The following SUGCT variants were observed in gnomAD, a reference collection of about 807,000 sequenced individuals.
SUGCT encodes the protein succinyl-CoA:glutarate-CoA transferase, also known as succinyl-CoA:glutarate CoA-transferase.
A neutral mutation model predicts 55.0 loss-of-function variants in SUGCT; 41 were observed. The observed-to-expected ratio is 0.74, with a 90% confidence interval of 0.58 to 0.97. The LOEUF is 0.97. SUGCT is among the 50% of genes least tolerant of loss of function. The probability of loss-of-function intolerance (pLI) is 0.00; values close to 1 mark genes in which losing one functional copy is unlikely to be tolerated. For synonymous variants in SUGCT, 187 were observed against 200.4 expected (o/e 0.93, Z 0.56); for missense variants, 568 against 547.8 (o/e 1.04, Z -0.37).
At chr7:41,025,118 A>G in the SUGCT span, among the ~76,000 whole-genome samples, 2 of 152,226 alleles carry the variant, frequency 1.3e-5, no homozygotes, top group Non-Finnish European at 2.9e-5. Flanking sequence ...CTTATGCATC[A>G]AAGTATAAAA....
At chr7:40,476,383 T>C (rs978188979) in intron 11 of SUGCT, among the ~76,000 whole-genome samples, 6 of 152,152 alleles carry the variant, frequency 3.9e-5, no homozygotes, top group African/African-American at 1.4e-4. Context: ...TTTAATTATC[T>C]GCCATTTTTT....
chr7:40,840,351 C>T (rs1793212004), intron 13 of SUGCT, among the ~76,000 whole-genome samples: 1 of 151,784 alleles, frequency 6.6e-6, no homozygotes, highest in African/African-American at 2.4e-5. Flanking sequence ...AGGGTGACCA[C>T]CACAAAATCA....
chr7:40,574,590 C>T (rs774996524), intron 12 of SUGCT, among the ~76,000 whole-genome samples: 1 of 152,082 alleles, frequency 6.6e-6, no homozygotes. Context: ...CGCCACCACA[C>T]GCTGCTAATT....
chr7:40,297,171 T>C (rs1794212549), intron 8 of SUGCT, among the ~76,000 whole-genome samples: 1 of 152,168 alleles, frequency 6.6e-6, no homozygotes, highest in Non-Finnish European at 1.5e-5. Flanking sequence ...CTTCTGTCCA[T>C]GTTCACCTTA....
chr7:40,344,309 C>G (rs1465638985), intron 9 of SUGCT, among the ~76,000 whole-genome samples: 1 of 152,064 alleles, frequency 6.6e-6, no homozygotes, highest in Admixed American at 6.6e-5. Context: ...CATTGTGTAG[C>G]TTCATTATCA....
intron 12 of SUGCT, among the ~76,000 whole-genome samples, chr7:40,707,322 C>T (rs1038491008): frequency 6.0e-5 from 9 of 150,270 alleles, no homozygotes; most frequent in African/African-American, 2.2e-4. Context: ...TCATTTGTTT[C>T]GGAAGGTGTT....
the SUGCT span, among the ~76,000 whole-genome samples, chr7:40,928,616 T>C: frequency 6.6e-6 from 1 of 151,990 alleles, no homozygotes; most frequent in Admixed American, 6.6e-5. Context: ...TTTTTTTTTT[T>C]TGAGACGGAG....
chr7:40,802,347 A>G (rs187525368), intron 13 of SUGCT, among the ~76,000 whole-genome samples: 5 of 152,160 alleles, frequency 3.3e-5, no homozygotes, highest in Non-Finnish European at 7.4e-5. Context: ...ACACACACAC[A>G]GTCACCTTCA....
At chr7:40,713,172 C>T (rs1429549118) in intron 12 of SUGCT, among the ~76,000 whole-genome samples, 1 of 152,182 alleles carries the variant, frequency 6.6e-6, no homozygotes, top group Non-Finnish European at 1.5e-5. Context: ...GATGCAAGGA[C>T]AGGAGAAGCC....
At chr7:40,329,317 A>C (rs1366531807) in intron 9 of SUGCT, among the ~76,000 whole-genome samples, 1 of 152,156 alleles carries the variant, frequency 6.6e-6, no homozygotes, top group South Asian at 2.1e-4. Flanking sequence ...TGAACAAATC[A>C]TGTTGATGTA....
chr7:40,469,268 C>G (rs1186597228), intron 11 of SUGCT, among the ~76,000 whole-genome samples: 1 of 152,092 alleles, frequency 6.6e-6, no homozygotes, highest in Non-Finnish European at 1.5e-5. Flanking sequence ...TTATTGTAAC[C>G]TCCTCCCAAC....
At chr7:41,036,589 T>G in the SUGCT span, among the ~76,000 whole-genome samples, 17 of 152,298 alleles carry the variant, frequency 1.1e-4, no homozygotes, top group South Asian at 1.5e-3. Context: ...GTTCATCCCT[T>G]GATTCCTGCC....
chr7:40,848,604 C>G (rs1270725622), intron 13 of SUGCT, among the ~76,000 whole-genome samples: 1 of 151,928 alleles, frequency 6.6e-6, no homozygotes, highest in East Asian at 1.9e-4. Context: ...ACTTGAGGCC[C>G]TCCTTATTAA....
intron 12 of SUGCT, among the ~76,000 whole-genome samples, chr7:40,503,807 TAGTAAA>T (rs920693490): frequency 6.6e-6 from 1 of 152,160 alleles, no homozygotes; most frequent in African/African-American, 2.4e-5. Context: ...TAAATTTGGT[TAGTAAA>T]AGTGAAAACC....
intron 12 of SUGCT, among the ~76,000 whole-genome samples, chr7:40,705,390 C>T (rs1785351900): frequency 6.6e-6 from 1 of 152,174 alleles, no homozygotes; most frequent in South Asian, 2.1e-4. Context: ...TGTTCCATTA[C>T]CACAAAGATC....
the SUGCT span, among the ~76,000 whole-genome samples, chr7:40,962,600 C>T: frequency 1.4e-5 from 2 of 145,112 alleles, no homozygotes; most frequent in Non-Finnish European, 3.1e-5. Flanking sequence ...CACACACACA[C>T]ACACACACAC....
intron 7 of SUGCT, among the ~76,000 whole-genome samples, chr7:40,267,025 AAAAC>A (rs141867097): frequency 8.6e-6 from 1 of 116,488 alleles, no homozygotes; most frequent in African/African-American, 3.3e-5. Context: ...AAAAAAAACA[AAAAC>A]AAACAAACAA....
intron 12 of SUGCT, among the ~76,000 whole-genome samples, chr7:40,658,918 GC>G (rs1284774709): frequency 4.6e-5 from 7 of 152,232 alleles, no homozygotes; most frequent in African/African-American, 1.7e-4. Context: ...TTCTTTGAGG[GC>G]CCGGGGAAAC....
the SUGCT span, among the ~76,000 whole-genome samples, chr7:40,967,626 C>CTT: frequency 0.38 from 56,859 of 147,808 alleles, 11,028 homozygotes; most frequent in South Asian, 0.48. Flanking sequence ...GCAGTGAATT[C>CTT]TTTTTTTTTT....
Sources: allele counts gnomAD v4.1 joint callset (sites outside exome capture counted in the v4.1 genomes callset), GRCh38; gene constraint gnomAD v4.1.1; transcripts MANE v1.5; gene names NCBI Gene and HGNC (gene_info 2026-07-23, HGNC 2026-07-21).